TRIM66: variants seen among roughly 807,000 people sequenced by gnomAD.
TRIM66 encodes tripartite motif-containing protein 66.
In TRIM66, 99 loss-of-function variants were observed where a neutral mutation model predicts 148.2. The ratio of observed to expected loss-of-function variants is 0.67; its 90% CI spans 0.57 to 0.79. TRIM66 has a LOEUF of 0.79. Ranked by LOEUF, TRIM66 falls within the 30% of genes least tolerant of loss-of-function variation. TRIM66 has a pLI of 0.00. For missense variants in TRIM66, 1,666 were observed against 1,697.9 expected, an observed-to-expected ratio of 0.98 and a Z score of 0.33; for synonymous variants, 616 against 635.9, an observed-to-expected ratio of 0.97 and a Z score of 0.47.
chr11:8,638,729 AGACGCCTGG>A lies in TRIM66; in HGVS notation c.2226_2234del (p.Gln743_Ser745del), dbSNP rs2036112244. The A allele has an allele frequency of 1.9e-6, 3 of 1,550,280 alleles. No individual in the cohort carries two copies. The highest frequency in any genetic ancestry group is 2.6e-6 in the Non-Finnish European group (3 of 1,146,438). On this transcript the variant is annotated inframe_deletion, in exon 15 of 25. Transcript: ENST00000646038. ...GGACACTGAGAGGGGTTTCTTCCCC[AGACGCCTGG>A]GGCAAGGCAGCAGCAGTATTCTTGT...
At chr11:8,624,331 C>T (rs2034600284) in intron 17 of TRIM66, 28 bp downstream of exon 17, 2 of 1,545,390 alleles carry the variant, frequency 1.3e-6, no homozygotes, top group East Asian at 2.4e-5. Context: ...CTGTGGCCAA[C>T]ATGAAGGGCA....
At chr11:8,667,496 C>G (rs2038675304) in intron 6 of TRIM66, among the ~76,000 whole-genome samples, 2 of 152,214 alleles carry the variant, frequency 1.3e-5, no homozygotes, top group Non-Finnish European at 2.9e-5. Flanking sequence ...GGAACTTCTA[C>G]AGTTCAACAC....
At chr11:8,626,919 C>G (rs78542709) in intron 15 of TRIM66, among the ~76,000 whole-genome samples, 142 of 152,324 alleles carry the variant, frequency 9.3e-4, no homozygotes, top group South Asian at 1.9e-3. Flanking sequence ...ATCCTCACCC[C>G]CTTCAGATGG....
chr11:8,657,360 G>A (rs1252656604), intron 6 of TRIM66, among the ~76,000 whole-genome samples: 2 of 152,176 alleles, frequency 1.3e-5, no homozygotes, highest in African/African-American at 4.8e-5. Flanking sequence ...TCCACTGGAG[G>A]AGCCTGATGC....
At chr11:8,620,148 G>C (rs1460246197) in intron 21 of TRIM66, 24 bp from the exon 22 acceptor site, 9 of 1,547,854 alleles carry the variant, frequency 5.8e-6, no homozygotes, top group African/African-American at 1.4e-5. Context: ...ATTGGCAACA[G>C]AGTCACTTTG....
chr11:8,643,858 A>T (rs1423817200), intron 12 of TRIM66, among the ~76,000 whole-genome samples: 1 of 151,964 alleles, frequency 6.6e-6, no homozygotes, highest in Admixed American at 6.6e-5. Context: ...CAACACTTTC[A>T]TCTATTTCTC....
At chr11:8,650,901 T>C (rs1255723397) in intron 7 of TRIM66, among the ~76,000 whole-genome samples, 1 of 152,128 alleles carries the variant, frequency 6.6e-6, no homozygotes, top group African/African-American at 2.4e-5. Context: ...AGCAAGATGG[T>C]CAAATGCAAC....
intron 15 of TRIM66, among the ~76,000 whole-genome samples, chr11:8,629,658 A>T (rs2035206824): frequency 6.6e-6 from 1 of 152,214 alleles, no homozygotes; most frequent in Non-Finnish European, 1.5e-5. Flanking sequence ...CTGTGGAAAA[A>T]TTGCGGAAAC....
intron 6 of TRIM66, among the ~76,000 whole-genome samples, chr11:8,666,333 C>T (rs1366813893): frequency 2.9e-4 from 38 of 131,332 alleles, no homozygotes; most frequent in African/African-American, 1.1e-3. Context: ...GAGCAAAACT[C>T]CGCCTCAGAA....
At chr11:8,642,121 A>G (rs907881942) in intron 13 of TRIM66, among the ~76,000 whole-genome samples, 4 of 152,178 alleles carry the variant, frequency 2.6e-5, no homozygotes, top group Non-Finnish European at 5.9e-5. Flanking sequence ...CTTGTGCACA[A>G]GTAGATCTAT....
Position 8,621,781 on chromosome 11 carries a change from A to G in TRIM66, c.3119T>C (p.Leu1040Pro). 1 of 1,550,844 alleles carries G rather than the reference A, an allele frequency of 6.4e-7. No homozygotes were observed. The highest frequency in any genetic ancestry group is 8.7e-7 in the Non-Finnish European group (1 of 1,146,722). The change falls in exon 19 of 25, where the codon CTG becomes CCG. Residue 1040 changes from leucine to proline, a missense_variant. Physicochemically the swap from Leu to Pro is moderately conservative, Grantham distance 98 (BLOSUM62 -3). This residue lies in a region of TRIM66 where 1,431 missense variants were observed against 1,412.4 expected (regional missense o/e 1.01). Transcript: ENST00000646038. Reference sequence around the variant, plus strand: ...GGCAGCACAGATCTTGAGTCGCTCCAGTCGCACATAGGGAATCTTATGCTC... The same window carrying G: ...GGCAGCACAGATCTTGAGTCGCTCCGGTCGCACATAGGGAATCTTATGCTC... The part of the protein sequence containing the change: ...NSEHKIPYVR[L>P]ERLKICAASS...
chr11:8,643,681 T>C (rs939701650), intron 12 of TRIM66, among the ~76,000 whole-genome samples: 5 of 152,124 alleles, frequency 3.3e-5, no homozygotes, highest in South Asian at 2.1e-4. Flanking sequence ...CCTTAAGTGA[T>C]TTGTCATTCT....
intron 7 of TRIM66, 27 bp from the exon 8 acceptor site, chr11:8,649,914 T>C: frequency 2.6e-6 from 4 of 1,543,962 alleles, no homozygotes; most frequent in Non-Finnish European, 3.5e-6. Context: ...CTGGAGTTAC[T>C]GATGTTATCC....
upstream of TRIM66, chr11:8,682,675 G>A (rs77383738): frequency 3.0e-3 from 2,783 of 938,526 alleles, 40 homozygotes; most frequent in African/African-American, 0.033. Flanking sequence ...CGACTAGCAG[G>A]CGCGCAATCC....
Position 8,625,063 on chromosome 11 carries a change from C to G in TRIM66, c.2476G>C (p.Val826Leu), listed in dbSNP as rs2034683078. Residue 826 changes from valine to leucine, a missense_variant, in exon 16 of 25, where the codon GTG (valine) becomes CTG (leucine). Physicochemically the swap from Val to Leu is conservative, Grantham distance 32. This residue lies in a region of TRIM66 where 1,431 missense variants were observed against 1,412.4 expected (regional missense o/e 1.01). Coordinates refer to ENST00000646038, the MANE Select transcript of TRIM66 (RefSeq NM_001388022.1). ...PSLLSAPPKMVSSLTSVQNQA... is the reference protein window; with the variant it reads ...PSLLSAPPKMLSSLTSVQNQA... ...TTTTGAACACTTGTCAGGCTGGACACCATTTTGGGGGGAGCACTCAGCAGG... is the reference window on the plus strand; with the variant it reads ...TTTTGAACACTTGTCAGGCTGGACAGCATTTTGGGGGGAGCACTCAGCAGG... 1 of 1,551,692 alleles carries G rather than the reference C, an allele frequency of 6.4e-7. No individual in the cohort carries two copies. Among genetic ancestry groups the G allele is most frequent in the Admixed American group, 2.0e-5 (1 of 51,004 alleles).
At chr11:8,644,479 T>C (rs1332412796) in intron 12 of TRIM66, 3 of 450,188 alleles carry the variant, frequency 6.7e-6, no homozygotes, top group Non-Finnish European at 1.3e-5. Flanking sequence ...TTACCCCAAC[T>C]TGTATCCCTT....
rs1484483690 is a variant in TRIM66 at position 8,618,764 on chromosome 11, G to A, written c.4105C>T (p.Arg1369Trp). The A allele has an allele frequency of 5.0e-5, 78 of 1,550,206 alleles. No individual in the cohort carries two copies. Among genetic ancestry groups the A allele is most frequent in the Non-Finnish European group, 6.3e-5 (72 of 1,146,794 alleles). The change falls in exon 24 of 25, where the codon CGG (arginine) becomes TGG (tryptophan). Residue 1369 changes from arginine (R) to tryptophan (W), a missense_variant. Coordinates refer to ENST00000646038, the MANE Select transcript of TRIM66 (RefSeq NM_001388022.1). The part of the protein sequence containing the change: ...YMQEGIQPKR[R>W]RRHMENERAK... The stretch of plus-strand genomic sequence containing the variant: ...TAACTCTTTACCATATGTCGTCGCC[G>A]CCTCTTGGGTTGGATGCCCTCCTGC...
intron 3 of TRIM66, among the ~76,000 whole-genome samples, chr11:8,676,860 T>C (rs768553640): frequency 6.6e-6 from 1 of 152,228 alleles, no homozygotes; most frequent in Non-Finnish European, 1.5e-5. Flanking sequence ...GCAATCTATA[T>C]GAACGAAGTG....
chr11:8,676,566 A>C (rs1422535151), intron 3 of TRIM66, among the ~76,000 whole-genome samples: 2 of 152,220 alleles, frequency 1.3e-5, no homozygotes, highest in African/African-American at 4.8e-5. Context: ...ACAGGGTAAG[A>C]ATATAAAGAA....
Sources: allele counts gnomAD v4.1 joint callset (sites outside exome capture counted in the v4.1 genomes callset), GRCh38; gene constraint gnomAD v4.1.1; regional missense constraint gnomAD v4.1.1; transcripts MANE v1.5; gene names NCBI Gene and HGNC (gene_info 2026-07-23, HGNC 2026-07-21).